The following STXBP5 variants were observed in gnomAD, a reference collection of about 807,000 sequenced individuals.
STXBP5 encodes the protein syntaxin binding protein 5.
In STXBP5, 50 loss-of-function variants were observed where a neutral mutation model predicts 152.4. The ratio of observed to expected loss-of-function variants is 0.33; its 90% CI spans 0.26 to 0.42. The LOEUF is 0.42. Among genes scored for constraint, STXBP5 ranks in the 10% least tolerant of loss-of-function variants. The pLI is 1.00. For missense variants in STXBP5, 1,167 were observed against 1,388.6 expected, an observed-to-expected ratio of 0.84 and a Z score of 2.54; for synonymous variants, 492 against 494.7, an observed-to-expected ratio of 0.99 and a Z score of 0.07.
At position 147,296,764 on chromosome 6, in the gene STXBP5, AAGTT is replaced by A. The variant is rs553920325; in HGVS notation, c.917+5595_917+5598del. 3.9e-4 allele frequency among the ~76,000 whole-genome samples: 59 copies of A among 152,322 alleles called. No individual in the cohort carries two copies. The East Asian group carries it at 9.3e-3, about 24-fold the overall frequency. On this transcript the variant is annotated intron_variant, in intron 9 of 27. Coordinates refer to ENST00000321680, the MANE Select transcript of STXBP5 (RefSeq NM_001127715.4). ...CAGAAAAAAAATAGGAAATTCAACA[AAGTT>A]AGCATTTTTGGAAAGTGCAAACAGA...
In STXBP5 at chr6:147,315,657, G is replaced by T; in HGVS notation, c.1545G>T (p.Met515Ile). The T allele has an allele frequency of 1.2e-6, 2 of 1,613,954 alleles. No individual in the cohort carries two copies. Among genetic ancestry groups the T allele is most frequent in the Non-Finnish European group, 1.7e-6 (2 of 1,179,916 alleles). Residue 515 changes from methionine (M) to isoleucine (I), a missense_variant, in exon 15 of 28, where the codon ATG becomes ATT. Transcript: ENST00000321680. ...TCTCCTGGTGTCCAGAAAGTAGAAT[G>T]CTGTGCATCGCTGGAGTTTCAGCTC... ...QIISWCPESR[M>I]LCIAGVSAHV...
chr6:147,234,080 C>T (rs554420394), intron 2 of STXBP5, among the ~76,000 whole-genome samples: 1 of 151,674 alleles, frequency 6.6e-6, no homozygotes, highest in South Asian at 2.1e-4. Context: ...AAGAATTAAA[C>T]CTATGGCACA....
chr6:147,314,443 TATA>T, intron 13 of STXBP5, 112 bp downstream of exon 13: 1 of 1,286,086 alleles, frequency 7.8e-7, no homozygotes, highest in South Asian at 1.3e-5. Flanking sequence ...TATGTCGTAA[TATA>T]ATAAGAAATG....
At chr6:147,272,899 C>T (rs958084501) in intron 7 of STXBP5, among the ~76,000 whole-genome samples, 8 of 151,984 alleles carry the variant, frequency 5.3e-5, no homozygotes, top group Admixed American at 1.3e-4. Context: ...TTGACAAACT[C>T]TACTCTACTC....
chr6:147,346,910 T>C (rs1784364708), intron 21 of STXBP5, among the ~76,000 whole-genome samples: 1 of 152,158 alleles, frequency 6.6e-6, no homozygotes, highest in Non-Finnish European at 1.5e-5. Context: ...TGGAGATACA[T>C]GAGGTGAGCC....
chr6:147,227,371 C>T (rs969041265), intron 2 of STXBP5, among the ~76,000 whole-genome samples: 5 of 152,120 alleles, frequency 3.3e-5, no homozygotes, highest in South Asian at 2.1e-4. Flanking sequence ...TTGCCCATGC[C>T]TACCCCTGCT....
chr6:147,352,506 G>A (rs1784634733), intron 21 of STXBP5, among the ~76,000 whole-genome samples: 1 of 152,162 alleles, frequency 6.6e-6, no homozygotes, highest in Admixed American at 6.5e-5. Flanking sequence ...AACTACTCAG[G>A]AGGCTGAGGC....
At chr6:147,320,579 G>GTGTT (rs144375186) in intron 16 of STXBP5, among the ~76,000 whole-genome samples, 7,058 of 148,990 alleles carry the variant, frequency 0.047, 197 homozygotes, top group Middle Eastern at 0.07. Flanking sequence ...GTGTGTGTGT[G>GTGTT]TGTGTGTGTG....
intron 22 of STXBP5, among the ~76,000 whole-genome samples, chr6:147,354,495 A>G (rs1245521361): frequency 6.6e-6 from 1 of 152,004 alleles, no homozygotes; most frequent in Admixed American, 6.6e-5. Context: ...ATTTGAAAAC[A>G]AGTATATCTG....
intron 4 of STXBP5, among the ~76,000 whole-genome samples, chr6:147,250,365 C>T (rs1304723910): frequency 1.3e-5 from 2 of 152,004 alleles, no homozygotes; most frequent in Non-Finnish European, 2.9e-5. Context: ...GGTTGTGTAT[C>T]CCTGGACTCA....
At chr6:147,374,462 A>G (rs774220546) in intron 26 of STXBP5, among the ~76,000 whole-genome samples, 8 of 152,178 alleles carry the variant, frequency 5.3e-5, no homozygotes, top group Admixed American at 1.3e-4. Flanking sequence ...TAGCAGTTCA[A>G]TGAAATTTTT....
chr6:147,371,372 G>A (rs532533214), intron 25 of STXBP5, among the ~76,000 whole-genome samples: 1 of 152,178 alleles, frequency 6.6e-6, no homozygotes, highest in African/African-American at 2.4e-5. Flanking sequence ...AAAGATGTCT[G>A]TTCATAATGT....
chr6:147,211,734 G>A (rs879300920), intron 2 of STXBP5, among the ~76,000 whole-genome samples: 2 of 152,080 alleles, frequency 1.3e-5, no homozygotes, highest in Non-Finnish European at 2.9e-5. Context: ...CCACAAGTGT[G>A]TGCCACCACT....
rs936915606 is a variant in STXBP5 at position 147,314,654 on chromosome 6, T to A, written c.1402+18T>A. ...TTCTGCAAGTAAGTATTTTTAATAT[T>A]CATTATTTGTTATATGTTATACAAT... On this transcript the variant is annotated intron_variant, in intron 14 of 27. Coordinates refer to ENST00000321680, the MANE Select transcript of STXBP5 (RefSeq NM_001127715.4). The A allele has an allele frequency of 6.3e-7, 1 of 1,591,894 alleles. No individual in the cohort carries two copies. Among genetic ancestry groups the A allele is most frequent in the African/African-American group, 1.3e-5 (1 of 74,176 alleles).
intron 1 of STXBP5, 115 bp from the exon 2 acceptor site, chr6:147,205,856 T>C: frequency 1.4e-6 from 1 of 702,198 alleles, no homozygotes. Context: ...TAAGTGCATG[T>C]GTATGTGTTT....
intron 9 of STXBP5, among the ~76,000 whole-genome samples, chr6:147,299,989 G>A (rs1781724792): frequency 1.3e-5 from 2 of 152,034 alleles, no homozygotes; most frequent in East Asian, 3.9e-4. Flanking sequence ...GAAAATGTAT[G>A]GTAGTCAGTA....
chr6:147,319,161 C>T (rs1013695249), intron 16 of STXBP5, among the ~76,000 whole-genome samples: 1 of 151,778 alleles, frequency 6.6e-6, no homozygotes, highest in African/African-American at 2.4e-5. Flanking sequence ...CACCTGGTGA[C>T]AAGAGCTAAA....
At chr6:147,355,446 A>T (rs1784773588) in intron 22 of STXBP5, among the ~76,000 whole-genome samples, 1 of 152,150 alleles carries the variant, frequency 6.6e-6, no homozygotes, top group Non-Finnish European at 1.5e-5. Flanking sequence ...ATTAATGACA[A>T]ATTTTGTCTG....
At chr6:147,314,708 T>C in intron 14 of STXBP5, 72 bp downstream of exon 14, 1 of 1,110,510 alleles carries the variant, frequency 9.0e-7, no homozygotes, top group Non-Finnish European at 1.3e-6. Context: ...TGTTTTATAA[T>C]AATTGCATAA....
Sources: gnomAD v4.1 joint callset for allele counts (sites outside exome capture counted in the v4.1 genomes callset) on GRCh38, gnomAD v4.1.1 for gene constraint, MANE v1.5 for transcripts, NCBI Gene and HGNC (gene_info 2026-07-23, HGNC 2026-07-21) for gene names.